CDH3: variants seen among roughly 807,000 people sequenced by gnomAD.
The protein encoded by CDH3 is cadherin-3.
Under a neutral mutation model 82.0 loss-of-function variants are expected in CDH3, and 54 were observed. The observed-to-expected ratio is 0.66, with a 90% CI of 0.53 to 0.83. The LOEUF is 0.83. CDH3 is among the 40% of genes least tolerant of loss of function. CDH3 has a pLI of 0.00. For missense variants in CDH3, 1,054 were observed against 1,084.6 expected, an observed-to-expected ratio of 0.97 and a Z score of 0.40; for synonymous variants, 446 against 437.9, an observed-to-expected ratio of 1.02 and a Z score of -0.23.
intron 2 of CDH3, among the ~76,000 whole-genome samples, chr16:68,671,925 A>G (rs1170814355): frequency 6.6e-6 from 1 of 152,162 alleles, no homozygotes; most frequent in Non-Finnish European, 1.5e-5. Context: ...TTTTGGAGGG[A>G]CACAACTCGT....
intron 2 of CDH3, among the ~76,000 whole-genome samples, chr16:68,654,356 G>A (rs533009672): frequency 2.8e-4 from 38 of 134,714 alleles, no homozygotes; most frequent in African/African-American, 1.1e-3. Context: ...ACCGCACCTG[G>A]CCTTTTTCTT....
chr16:68,674,158 C>T (rs752189224), intron 2 of CDH3, among the ~76,000 whole-genome samples: 4 of 152,172 alleles, frequency 2.6e-5, no homozygotes, highest in African/African-American at 7.2e-5. Context: ...CAGCAGTGTA[C>T]GACAATTCCA....
chr16:68,696,140 G>A (rs1420168764), intron 15 of CDH3: 2 of 608,232 alleles, frequency 3.3e-6, no homozygotes, highest in Non-Finnish European at 6.0e-6. Context: ...ATTAGGAGGG[G>A]CTGGGCACGG....
chr16:68,675,075 T>G (rs1324642004), intron 2 of CDH3, among the ~76,000 whole-genome samples: 2 of 151,724 alleles, frequency 1.3e-5, no homozygotes, highest in Non-Finnish European at 2.9e-5. Context: ...ATCATGCCAC[T>G]GCACTCCAGC....
chr16:68,649,428 C>A (rs1057349763), intron 2 of CDH3, among the ~76,000 whole-genome samples: 2 of 152,220 alleles, frequency 1.3e-5, no homozygotes, highest in African/African-American at 4.8e-5. Context: ...ATTTCCATTT[C>A]ATTCTTCCTG....
intron 1 of CDH3, among the ~76,000 whole-genome samples, chr16:68,712,044 T>TG (rs1962038188): frequency 6.8e-6 from 1 of 146,292 alleles, no homozygotes; most frequent in South Asian, 2.2e-4. Flanking sequence ...TTTCTTTTTT[T>TG]TTTTTTTTTT....
At chr16:68,649,663 G>T (rs541542331) in intron 2 of CDH3, among the ~76,000 whole-genome samples, 148 of 152,176 alleles carry the variant, frequency 9.7e-4, no homozygotes, top group Non-Finnish European at 1.7e-3. Flanking sequence ...TACTTGGAGG[G>T]GCGTGTGGCC....
rs11864193 is a variant in CDH3, at chr16:68,726,896, T to C, written c.*46-257T>C. Among the ~76,000 whole-genome samples the C allele has an allele frequency of 4.6e-3, 700 of 152,258 alleles. 8 individuals carry two copies. Among genetic ancestry groups the C allele is most frequent in the African/African-American group, 0.016 (655 of 41,554 alleles). ...GCCCGCCCCAGCTGTGTCATTTTTATTGTGTGTGATGGTGACTTTTAGGTG... is the reference window on the plus strand; with the variant it reads ...GCCCGCCCCAGCTGTGTCATTTTTACTGTGTGTGATGGTGACTTTTAGGTG... On this transcript the variant is annotated intron_variant, in intron 2 of 2. Coordinates refer to the CDH3 transcript ENST00000569080.
chr16:68,687,717 G>A lies in CDH3; in HGVS notation c.1776G>A (p.Thr592=), dbSNP rs766163524. 8.1e-5 allele frequency: 131 copies of A among 1,613,662 alleles called. 1 individual carries two copies. In the Admixed American group the frequency reaches 2.0e-3, roughly 24 times the overall value. ...CAGATGACTCAGACATCTACTGGACGGCAGAGGTCAACGAGGAAGGTACCT... is the reference window on the plus strand; with the variant it reads ...CAGATGACTCAGACATCTACTGGACAGCAGAGGTCAACGAGGAAGGTACCT... ...QLTDDSDIYW[T]AEVNEEGDTV... The change falls in exon 12 of 16, where the codon ACG becomes ACA. Residue 592 remains threonine (T), a synonymous_variant. Transcript: ENST00000264012.
At chr16:68,680,034 C>CT in intron 7 of CDH3, 60 bp downstream of exon 7, 1 of 1,522,428 alleles carries the variant, frequency 6.6e-7, no homozygotes, top group Non-Finnish European at 9.1e-7. Context: ...GGAACTGACT[C>CT]TGAGAGCAGA....
chr16:68,716,228 A>G (rs1962093466), intron 1 of CDH3, among the ~76,000 whole-genome samples: 3 of 152,184 alleles, frequency 2.0e-5, no homozygotes, highest in South Asian at 4.2e-4. Flanking sequence ...AAAAAAAAAA[A>G]AAGACTAAGC....
chr16:68,693,364 G>A (rs1003976793), intron 13 of CDH3, among the ~76,000 whole-genome samples: 1 of 152,110 alleles, frequency 6.6e-6, no homozygotes, highest in African/African-American at 2.4e-5. Flanking sequence ...AAAAGGTGAT[G>A]GGAGGCTCAG....
At chr16:68,730,731 A>G (rs1962273854), downstream of CDH3, among the ~76,000 whole-genome samples, 1 of 151,852 alleles carries the variant, frequency 6.6e-6, no homozygotes, top group South Asian at 2.1e-4. Context: ...GCTTTAAAAT[A>G]TTATTTGGGC....
chr16:68,683,419 A>G (rs1961284620), intron 9 of CDH3, among the ~76,000 whole-genome samples: 1 of 152,074 alleles, frequency 6.6e-6, no homozygotes, highest in African/African-American at 2.4e-5. Context: ...TGGGAGGCCG[A>G]GGTGGGTGGA....
At chr16:68,673,745 T>G (rs1263258708) in intron 2 of CDH3, among the ~76,000 whole-genome samples, 1 of 152,102 alleles carries the variant, frequency 6.6e-6, no homozygotes, top group Non-Finnish European at 1.5e-5. Context: ...GCCAACATGG[T>G]GAAACCCCAT....
chr16:68,721,388 C>T (rs1195203753), intron 1 of CDH3, among the ~76,000 whole-genome samples: 1 of 151,938 alleles, frequency 6.6e-6, no homozygotes, highest in African/African-American at 2.4e-5. Flanking sequence ...TGTCTGCCAC[C>T]AGGTCTGGCT....
rs144812912 is a variant in CDH3 at position 68,662,291 on chromosome 16, G to A, written c.161-14094G>A. The stretch of plus-strand genomic sequence containing the variant: ...TCAATGTGGCTAGAGAGAGAGATTG[G>A]CACATTAAAGAGTTTGTTTTTTAGG... On this transcript the variant is annotated intron_variant, in intron 2 of 15. Coordinates refer to ENST00000264012, the MANE Select transcript of CDH3 (RefSeq NM_001793.6). Among the ~76,000 whole-genome samples the A allele has an allele frequency of 4.7e-3, 719 of 152,144 alleles. 3 individuals carry two copies. The highest frequency in any genetic ancestry group is 0.016 in the African/African-American group (644 of 41,502).
At chr16:68,669,555 T>C (rs1489321691) in intron 2 of CDH3, among the ~76,000 whole-genome samples, 1 of 151,540 alleles carries the variant, frequency 6.6e-6, no homozygotes, top group Non-Finnish European at 1.5e-5. Context: ...AGTTGTACAC[T>C]CTAGTGGGAA....
chr16:68,709,496 T>C (rs1232749262), intron 1 of CDH3, among the ~76,000 whole-genome samples: 2 of 152,110 alleles, frequency 1.3e-5, no homozygotes, highest in Non-Finnish European at 2.9e-5. Context: ...TCTCCCTCCG[T>C]CACCCAGGCT....
Sources: allele counts gnomAD v4.1 joint callset (sites outside exome capture counted in the v4.1 genomes callset), GRCh38; gene constraint gnomAD v4.1.1; transcripts MANE v1.5; gene names NCBI Gene and HGNC (gene_info 2026-07-23, HGNC 2026-07-21).